The following EYS variants were observed in gnomAD, a reference collection of about 807,000 sequenced individuals.
EYS encodes the protein protein eyes shut homolog.
Under a neutral mutation model 282.1 loss-of-function variants are expected in EYS, and 250 were observed. That is an observed-to-expected ratio of 0.89 (90% confidence interval 0.80 to 0.98). The LOEUF (loss-of-function observed/expected upper bound fraction) is 0.98, where lower values mean the gene tolerates loss of function less well. Ranked by LOEUF, EYS falls within the 50% of genes least tolerant of loss-of-function variation. EYS has a pLI of 0.00. For synonymous variants in EYS, 1,355 were observed against 1,282.9 expected, an observed-to-expected ratio of 1.06 and a Z score of -1.20; for missense variants, 4,016 against 3,709.0, an observed-to-expected ratio of 1.08 and a Z score of -2.15.
chr6:64,884,525 G>A (rs1034232454), intron 19 of EYS, among the ~76,000 whole-genome samples: 8 of 151,438 alleles, frequency 5.3e-5, no homozygotes, highest in South Asian at 2.1e-4. Context: ...ACCTAAAAAT[G>A]AATAGATTTG....
chr6:65,089,247 C>G (rs114453909), intron 12 of EYS, among the ~76,000 whole-genome samples: 24 of 152,242 alleles, frequency 1.6e-4, no homozygotes, highest in Middle Eastern at 3.4e-3. Context: ...ATGACTAGCA[C>G]CTTACACTTG....
chr6:65,324,927 T>C (rs1041646042), intron 11 of EYS, among the ~76,000 whole-genome samples: 1 of 152,186 alleles, frequency 6.6e-6, no homozygotes, highest in Non-Finnish European at 1.5e-5. Context: ...TGACAAAGCA[T>C]GGCCTTTAAG....
At chr6:65,548,287 G>C (rs923017192) in intron 2 of EYS, among the ~76,000 whole-genome samples, 1 of 152,032 alleles carries the variant, frequency 6.6e-6, no homozygotes, top group African/African-American at 2.4e-5. Flanking sequence ...TTAAATTTTA[G>C]TTTGCTAAAT....
At chr6:64,244,697 T>A (rs965886011) in intron 30 of EYS, among the ~76,000 whole-genome samples, 2 of 152,220 alleles carry the variant, frequency 1.3e-5, no homozygotes, top group Non-Finnish European at 2.9e-5. Context: ...TCATAGCATG[T>A]TTTAAGATAT....
At chr6:65,483,317 C>A (rs1457610987) in intron 5 of EYS, among the ~76,000 whole-genome samples, 2 of 152,040 alleles carry the variant, frequency 1.3e-5, no homozygotes, top group Non-Finnish European at 2.9e-5. Context: ...TATTTATTTG[C>A]AGCCTTAATG....
intron 30 of EYS, among the ~76,000 whole-genome samples, chr6:64,277,572 A>T (rs574878267): frequency 6.6e-6 from 1 of 152,164 alleles, no homozygotes; most frequent in Non-Finnish European, 1.5e-5. Context: ...CATTGGGCAG[A>T]TAAGATAATG....
intron 26 of EYS, among the ~76,000 whole-genome samples, chr6:64,551,339 C>T (rs893401922): frequency 6.6e-6 from 1 of 151,660 alleles, no homozygotes; most frequent in Non-Finnish European, 1.5e-5. Context: ...ACCAATTGTA[C>T]AAGTGAGGGG....
intron 26 of EYS, among the ~76,000 whole-genome samples, chr6:64,484,604 T>A (rs1337513): frequency 0.3 from 45,439 of 151,460 alleles, 6,872 homozygotes; most frequent in East Asian, 0.47. Flanking sequence ...CATTAAGCAT[T>A]TGTGAGTAGC....
At chr6:64,239,882 T>A (rs1766740950) in intron 30 of EYS, among the ~76,000 whole-genome samples, 2 of 152,216 alleles carry the variant, frequency 1.3e-5, no homozygotes, top group African/African-American at 4.8e-5. Context: ...GTTTTTATGA[T>A]TTTAGGTCTT....
chr6:64,602,378 G>A (rs920791825), intron 24 of EYS, among the ~76,000 whole-genome samples: 27 of 152,150 alleles, frequency 1.8e-4, no homozygotes, highest in African/African-American at 6.5e-4. Flanking sequence ...CCCTTTAGAT[G>A]CCTTTATATT....
chr6:64,540,744 A>G (rs1488456845), intron 26 of EYS, among the ~76,000 whole-genome samples: 2 of 152,286 alleles, frequency 1.3e-5, no homozygotes, highest in East Asian at 3.9e-4. Flanking sequence ...TCGGCCTCCC[A>G]AAGTGCTGGG....
At chr6:63,726,709 G>A in intron 41 of EYS, 29 bp from the exon 42 acceptor site, 1 of 1,525,082 alleles carries the variant, frequency 6.6e-7, no homozygotes, top group Non-Finnish European at 8.9e-7. Flanking sequence ...GAGAACTCTG[G>A]GAGTTATCTG....
chr6:65,706,848 C>A (rs896942793), intron 1 of EYS, among the ~76,000 whole-genome samples: 6 of 152,226 alleles, frequency 3.9e-5, no homozygotes, highest in Admixed American at 2.6e-4. Context: ...AATAAAGATT[C>A]TCTAGCAATC....
intron 24 of EYS, among the ~76,000 whole-genome samples, chr6:64,601,231 A>T (rs1205869691): frequency 1.3e-5 from 2 of 152,056 alleles, no homozygotes; most frequent in African/African-American, 4.8e-5. Flanking sequence ...TAAAGATATC[A>T]TATATTGATG....
intron 12 of EYS, among the ~76,000 whole-genome samples, chr6:65,291,820 C>T (rs540567340): frequency 6.6e-6 from 1 of 151,712 alleles, no homozygotes; most frequent in African/African-American, 2.4e-5. Flanking sequence ...GATCCTGCTT[C>T]TACCTACATC....
chr6:63,928,677 C>T (rs947499050), intron 35 of EYS, among the ~76,000 whole-genome samples: 1 of 152,168 alleles, frequency 6.6e-6, no homozygotes, highest in African/African-American at 2.4e-5. Context: ...CAGGTAGCAT[C>T]TGCTTAAAGG....
intron 12 of EYS, among the ~76,000 whole-genome samples, chr6:65,066,358 T>C (rs1436678505): frequency 1.3e-5 from 2 of 152,184 alleles, no homozygotes; most frequent in African/African-American, 2.4e-5. Context: ...GTACAATTGG[T>C]AATAACAAGA....
intron 26 of EYS, among the ~76,000 whole-genome samples, chr6:64,489,694 T>C (rs1007809120): frequency 2.0e-5 from 3 of 150,586 alleles, no homozygotes; most frequent in African/African-American, 4.8e-5. Context: ...CTTAGACTGA[T>C]AGAATATTGA....
At chr6:64,104,909 AATCGGCTACTATTTGT>A (rs1377034159) in intron 31 of EYS, among the ~76,000 whole-genome samples, 3 of 152,172 alleles carry the variant, frequency 2.0e-5, no homozygotes, top group East Asian at 3.9e-4. Context: ...AAACTGTACA[AATCGGCTACTATTTGT>A]GTGTCCTGGG....
Sources: allele counts gnomAD v4.1 joint callset (sites outside exome capture counted in the v4.1 genomes callset), GRCh38; gene constraint gnomAD v4.1.1; transcripts MANE v1.5; gene names NCBI Gene and HGNC (gene_info 2026-07-23, HGNC 2026-07-21).